Variants in CLSTN2 observed in about 807,000 individuals in gnomAD.
CLSTN2 encodes the protein calsyntenin 2.
In CLSTN2, 48 loss-of-function variants were observed where a neutral mutation model predicts 101.2. That is an observed-to-expected ratio of 0.47 (90% confidence interval 0.38 to 0.60). CLSTN2 has a LOEUF of 0.60. CLSTN2 is among the 20% of genes least tolerant of loss of function. The pLI, the probability that CLSTN2 is intolerant of heterozygous loss-of-function variation, is 0.00. For missense variants in CLSTN2, 1,160 were observed against 1,238.2 expected (o/e 0.94, Z 0.95); for synonymous variants, 481 against 463.6 (o/e 1.04, Z -0.48).
intron 1 of CLSTN2, among the ~76,000 whole-genome samples, chr3:139,963,072 TC>T (rs1362909240): frequency 6.6e-6 from 1 of 152,134 alleles, no homozygotes; most frequent in Non-Finnish European, 1.5e-5. Flanking sequence ...ATTATTCTGG[TC>T]CCCTCATAAA....
At chr3:140,428,339 G>T (rs1268981739) in intron 5 of CLSTN2, among the ~76,000 whole-genome samples, 1 of 150,736 alleles carries the variant, frequency 6.6e-6, no homozygotes, top group Non-Finnish European at 1.5e-5. Context: ...TTTTATTGTT[G>T]CAAGTCAGAT....
intron 12 of CLSTN2, among the ~76,000 whole-genome samples, chr3:140,561,340 A>G (rs1422263408): frequency 6.6e-6 from 1 of 152,172 alleles, no homozygotes; most frequent in Non-Finnish European, 1.5e-5. Flanking sequence ...CATAAATACC[A>G]GTCGCCTTCT....
At chr3:140,294,635 A>T (rs2086985409) in intron 2 of CLSTN2, among the ~76,000 whole-genome samples, 1 of 151,068 alleles carries the variant, frequency 6.6e-6, no homozygotes, top group African/African-American at 2.4e-5. Context: ...CTCCCTGCCC[A>T]CAATGTGTGA....
chr3:140,134,859 A>C (rs2009578155), intron 1 of CLSTN2, among the ~76,000 whole-genome samples: 1 of 151,830 alleles, frequency 6.6e-6, no homozygotes, highest in Non-Finnish European at 1.5e-5. Context: ...TTCAAAATAC[A>C]TGCAACTACC....
At chr3:140,488,824 A>G (rs1934287460) in intron 8 of CLSTN2, among the ~76,000 whole-genome samples, 1 of 151,934 alleles carries the variant, frequency 6.6e-6, no homozygotes, top group Admixed American at 6.6e-5. Flanking sequence ...TTAAAGAAAC[A>G]GCTGATTCTG....
chr3:140,095,780 G>A (rs2008859718), intron 1 of CLSTN2, among the ~76,000 whole-genome samples: 1 of 152,206 alleles, frequency 6.6e-6, no homozygotes, highest in Non-Finnish European at 1.5e-5. Flanking sequence ...TCAGTGACCA[G>A]TGACGAACAT....
At position 140,187,774 on chromosome 3, in the gene CLSTN2, A is replaced by G. The variant is rs150429807; in HGVS notation, c.232+11701A>G. On this transcript the variant is annotated intron_variant, in intron 2 of 16. Coordinates refer to ENST00000458420, the MANE Select transcript of CLSTN2 (RefSeq NM_022131.3). Reference sequence around the variant, plus strand: ...CACTCCTCCTCTCATGCCCACATTCAGTTCATCAGACATCATTATAAATGT... The same window carrying G: ...CACTCCTCCTCTCATGCCCACATTCGGTTCATCAGACATCATTATAAATGT... Among the ~76,000 whole-genome samples the G allele has an allele frequency of 6.6e-4, 100 of 152,240 alleles. No homozygotes were observed. The East Asian group carries it at 0.016, about 24-fold the overall frequency.
chr3:140,096,073 G>A (rs1012255108), intron 1 of CLSTN2, among the ~76,000 whole-genome samples: 4 of 152,178 alleles, frequency 2.6e-5, no homozygotes, highest in African/African-American at 9.7e-5. Flanking sequence ...GCCTTTCTCA[G>A]AAAAGATTCT....
intron 1 of CLSTN2, among the ~76,000 whole-genome samples, chr3:140,004,382 C>A (rs1342712400): frequency 3.3e-5 from 5 of 152,172 alleles, no homozygotes; most frequent in African/African-American, 1.2e-4. Context: ...GAGGTGCAGG[C>A]ATTGATTAGG....
Position 139,978,999 on chromosome 3 carries a change from A to G in CLSTN2, c.109+43516A>G, listed in dbSNP as rs549154769. 3.9e-5 allele frequency among the ~76,000 whole-genome samples: 6 copies of G among 152,230 alleles called. No homozygotes were observed. In the South Asian group the frequency reaches 1.2e-3, roughly 32 times the overall value. On this transcript the variant is annotated intron_variant, in intron 1 of 16. Transcript: ENST00000458420. ...GAACTTTGATGACAAATAATTATTC[A>G]TTTTTTTAAGTGAAATATTCAAAAA...
chr3:140,293,477 T>C (rs932160669), intron 2 of CLSTN2, among the ~76,000 whole-genome samples: 3 of 152,158 alleles, frequency 2.0e-5, no homozygotes, highest in Admixed American at 6.5e-5. Flanking sequence ...TCACAAAGCT[T>C]AACATTGGAT....
At chr3:140,216,614 G>A (rs1043656488) in intron 2 of CLSTN2, among the ~76,000 whole-genome samples, 1 of 152,168 alleles carries the variant, frequency 6.6e-6, no homozygotes, top group Admixed American at 6.5e-5. Flanking sequence ...CTTGGGTGTT[G>A]AGACCCTGTG....
At chr3:140,473,522 AAC>A (rs1337999424) in intron 8 of CLSTN2, among the ~76,000 whole-genome samples, 1 of 152,182 alleles carries the variant, frequency 6.6e-6, no homozygotes, top group Admixed American at 6.5e-5. Context: ...AAGAGCCAGA[AAC>A]AGAGATGTGA....
At chr3:140,415,488 A>C (rs2088420209) in intron 4 of CLSTN2, among the ~76,000 whole-genome samples, 1 of 55,852 alleles carries the variant, frequency 1.8e-5, no homozygotes, top group South Asian at 1.0e-3. Flanking sequence ...CAAAATAGCA[A>C]AAAAAAAAAA....
chr3:140,469,399 T>C (rs1933782319), intron 8 of CLSTN2, among the ~76,000 whole-genome samples: 2 of 152,174 alleles, frequency 1.3e-5, no homozygotes, highest in Admixed American at 1.3e-4. Flanking sequence ...TCCAGTGGTA[T>C]ATACTGAGCA....
At chr3:140,372,347 CTGG>C (rs1464986157) in intron 2 of CLSTN2, among the ~76,000 whole-genome samples, 2 of 152,198 alleles carry the variant, frequency 1.3e-5, no homozygotes, top group East Asian at 3.8e-4. Flanking sequence ...GCTGTGCTCC[CTGG>C]CCTTTGCTCA....
chr3:140,284,102 G>A (rs1044710416), intron 2 of CLSTN2, among the ~76,000 whole-genome samples: 2 of 152,150 alleles, frequency 1.3e-5, no homozygotes, highest in African/African-American at 2.4e-5. Flanking sequence ...CAAAAGAACA[G>A]TTTTTATTTT....
At chr3:140,338,144 C>A (rs80046613) in intron 2 of CLSTN2, among the ~76,000 whole-genome samples, 4,525 of 152,184 alleles carry the variant, frequency 0.03, 94 homozygotes, top group South Asian at 0.078. Context: ...AGGTCATTGA[C>A]CTTTGGGCCC....
intron 1 of CLSTN2, among the ~76,000 whole-genome samples, chr3:140,076,830 C>CAAGGATGCCATGAAGGGT (rs1292139007): frequency 2.0e-5 from 3 of 151,872 alleles, no homozygotes; most frequent in Non-Finnish European, 4.4e-5. Context: ...CTACCTTGAC[C>CAAGGATGCCATGAAGGGT]AAGGATGCCA....
Sources: gnomAD v4.1 joint callset for allele counts (sites outside exome capture counted in the v4.1 genomes callset) on GRCh38, gnomAD v4.1.1 for gene constraint, MANE v1.5 for transcripts, NCBI Gene and HGNC (gene_info 2026-07-23, HGNC 2026-07-21) for gene names.